The following AP3B1 variants were observed in gnomAD, a reference collection of about 807,000 sequenced individuals.
The protein encoded by AP3B1 is AP-3 complex subunit beta-1.
In AP3B1, 61 loss-of-function variants were observed where a neutral mutation model predicts 132.5. The observed-to-expected ratio is 0.46, with a 90% confidence interval of 0.37 to 0.57. The LOEUF (loss-of-function observed/expected upper bound fraction) is 0.57, where lower values mean the gene tolerates loss of function less well. Among genes scored for constraint, AP3B1 ranks in the 20% least tolerant of loss-of-function variants. The probability of loss-of-function intolerance (pLI) is 0.00; values close to 1 mark genes in which losing one functional copy is unlikely to be tolerated. For synonymous variants in AP3B1, 388 were observed against 438.3 expected, an observed-to-expected ratio of 0.89 and a Z score of 1.43; for missense variants, 1,120 against 1,289.4, an observed-to-expected ratio of 0.87 and a Z score of 2.01.
At chr5:78,245,689 A>AC (rs1747351111) in intron 2 of AP3B1, among the ~76,000 whole-genome samples, 2 of 151,346 alleles carry the variant, frequency 1.3e-5, no homozygotes, top group South Asian at 4.2e-4. Flanking sequence ...TACTTCTCCC[A>AC]CCCTCTCTCC....
intron 14 of AP3B1, among the ~76,000 whole-genome samples, chr5:78,146,812 C>T (rs1358719226): frequency 6.6e-6 from 1 of 152,056 alleles, no homozygotes; most frequent in African/African-American, 2.4e-5. Context: ...TAAATGCATT[C>T]TTTAATCTGA....
At chr5:78,114,765 A>G (rs966592769) in intron 18 of AP3B1, among the ~76,000 whole-genome samples, 1 of 152,214 alleles carries the variant, frequency 6.6e-6, no homozygotes, top group Non-Finnish European at 1.5e-5. Context: ...TAATACCAAC[A>G]TCAGGAAGGT....
At chr5:78,085,776 G>A (rs1356419960) in intron 22 of AP3B1, among the ~76,000 whole-genome samples, 1 of 152,046 alleles carries the variant, frequency 6.6e-6, no homozygotes, top group Non-Finnish European at 1.5e-5. Context: ...TGACATTTCT[G>A]TAACCACTGA....
At chr5:78,040,436 T>C (rs960909513) in intron 22 of AP3B1, among the ~76,000 whole-genome samples, 2 of 152,242 alleles carry the variant, frequency 1.3e-5, no homozygotes, top group Admixed American at 6.5e-5. Context: ...ATTCAATTAT[T>C]TGGTAAAACA....
intron 22 of AP3B1, among the ~76,000 whole-genome samples, chr5:78,072,946 T>C (rs1162038662): frequency 1.3e-5 from 2 of 152,072 alleles, no homozygotes; most frequent in Non-Finnish European, 2.9e-5. Context: ...GGTCTTGAAC[T>C]CCTGACCTCG....
At chr5:78,050,699 AGT>A (rs1231548192) in intron 22 of AP3B1, among the ~76,000 whole-genome samples, 1 of 152,222 alleles carries the variant, frequency 6.6e-6, no homozygotes, top group Non-Finnish European at 1.5e-5. Context: ...TCTACTTATA[AGT>A]GTATTATTTT....
At chr5:78,169,930 C>T (rs919095698) in intron 11 of AP3B1, among the ~76,000 whole-genome samples, 2 of 152,066 alleles carry the variant, frequency 1.3e-5, no homozygotes, top group African/African-American at 4.8e-5. Context: ...TGACAGGCCC[C>T]GGTGTGTGAT....
intron 26 of AP3B1, among the ~76,000 whole-genome samples, chr5:78,008,031 G>A (rs1170700439): frequency 6.6e-6 from 1 of 152,214 alleles, no homozygotes; most frequent in South Asian, 2.1e-4. Flanking sequence ...TTCAGAGATG[G>A]TATAAAAAAA....
intron 1 of AP3B1, among the ~76,000 whole-genome samples, chr5:78,283,656 C>T (rs1749153465): frequency 6.6e-6 from 1 of 152,124 alleles, no homozygotes; most frequent in South Asian, 2.1e-4. Flanking sequence ...TATCTAACTG[C>T]TCAACGAATG....
chr5:78,102,015 T>C (rs1477913503), intron 20 of AP3B1, among the ~76,000 whole-genome samples: 2 of 152,098 alleles, frequency 1.3e-5, no homozygotes, highest in Non-Finnish European at 2.9e-5. Context: ...ATTTTAAATA[T>C]ATATTAGATT....
At chr5:78,257,038 A>G (rs190704301) in intron 2 of AP3B1, among the ~76,000 whole-genome samples, 1 of 152,280 alleles carries the variant, frequency 6.6e-6, no homozygotes, top group Admixed American at 6.5e-5. Context: ...TAAAAACTAT[A>G]TATGACAAAC....
intron 26 of AP3B1, among the ~76,000 whole-genome samples, chr5:78,008,472 CTGAGGTCCGCATT>C (rs1746487168): frequency 6.6e-6 from 1 of 152,158 alleles, no homozygotes; most frequent in South Asian, 2.1e-4. Flanking sequence ...TGAAAATTAA[CTGAGGTCCGCATT>C]TGTTTGTCAA....
intron 17 of AP3B1, among the ~76,000 whole-genome samples, chr5:78,117,284 G>A (rs1001577744): frequency 6.6e-6 from 1 of 150,500 alleles, no homozygotes; most frequent in Non-Finnish European, 1.5e-5. Context: ...AGTTTCTGGA[G>A]AGCAGGGAAT....
chr5:78,003,406 A>G (rs1746263981), intron 26 of AP3B1: 1 of 499,130 alleles, frequency 2.0e-6, no homozygotes, highest in South Asian at 8.7e-5. Flanking sequence ...GCATAGGGAC[A>G]TTTTAAATAA....
intron 3 of AP3B1, among the ~76,000 whole-genome samples, chr5:78,232,987 G>A (rs993399088): frequency 3.9e-5 from 6 of 152,104 alleles, no homozygotes; most frequent in Non-Finnish European, 7.3e-5. Context: ...GATTACTGGC[G>A]TGAGCCACCA....
intron 7 of AP3B1, among the ~76,000 whole-genome samples, chr5:78,206,452 T>A (rs1011054373): frequency 2.0e-5 from 3 of 152,170 alleles, no homozygotes; most frequent in African/African-American, 4.8e-5. Flanking sequence ...TCTTCAAAAA[T>A]TTTTTAGGTT....
chr5:78,111,214 A>G (rs948397019), intron 19 of AP3B1, among the ~76,000 whole-genome samples: 1 of 152,214 alleles, frequency 6.6e-6, no homozygotes, highest in Non-Finnish European at 1.5e-5. Flanking sequence ...AAATTCTTCT[A>G]AAGTACTATC....
intron 11 of AP3B1, 55 bp from the exon 12 acceptor site, chr5:78,165,727 T>C: frequency 8.7e-7 from 1 of 1,154,316 alleles, no homozygotes; most frequent in South Asian, 1.3e-5. Flanking sequence ...GCAAGATGAA[T>C]TTAATAGAGT....
chr5:78,162,826 G>C lies in AP3B1; in HGVS notation c.1356C>G (p.Asn452Lys). Residue 452 changes from asparagine to lysine, a missense_variant, in exon 13 of 27, where the codon AAC becomes AAG. By Grantham distance (94) the Asn-to-Lys change is moderately conservative. This residue lies in a region of AP3B1 where 906 missense variants were observed against 997.1 expected (regional missense o/e 0.91). Coordinates refer to ENST00000255194, the MANE Select transcript of AP3B1 (RefSeq NM_003664.5). Reference sequence around the variant, plus strand: ...ATGAAACTGTAAACTTACCATCCCTGTTGGACAGCAGACAGACCAAGCCAT... The same window carrying C: ...ATGAAACTGTAAACTTACCATCCCTCTTGGACAGCAGACAGACCAAGCCAT... ...CLNGLVCLLS[N>K]RDEIVVAESV... 2 of 1,613,880 alleles carry C rather than the reference G, an allele frequency of 1.2e-6. No individual in the cohort carries two copies. The highest frequency in any genetic ancestry group is 1.7e-6 in the Non-Finnish European group (2 of 1,179,866).
Sources: allele counts gnomAD v4.1 joint callset (sites outside exome capture counted in the v4.1 genomes callset), GRCh38; gene constraint gnomAD v4.1.1; regional missense constraint gnomAD v4.1.1; transcripts MANE v1.5; gene names NCBI Gene and HGNC (gene_info 2026-07-23, HGNC 2026-07-21).